USP10: variants seen among roughly 807,000 people sequenced by gnomAD.
The protein encoded by USP10 is ubiquitin carboxyl-terminal hydrolase 10.
In USP10, 22 loss-of-function variants were observed where a neutral mutation model predicts 84.5. That is an observed-to-expected ratio of 0.26 (90% CI 0.19 to 0.37). USP10 has a LOEUF of 0.37. Ranked by LOEUF, USP10 falls within the 10% of genes least tolerant of loss-of-function variation. USP10 has a pLI of 1.00. For synonymous variants in USP10, 454 were observed against 387.6 expected (o/e 1.17, Z -2.01); for missense variants, 1,019 against 998.9 (o/e 1.02, Z -0.27).
At position 84,740,208 on chromosome 16, in the gene USP10, T is replaced by A. The variant is rs879070106; in HGVS notation, c.91-101T>A. 1.1e-5 allele frequency: 11 copies of A among 1,033,718 alleles called. No homozygotes were observed. The South Asian group carries it at 1.5e-4, about 14-fold the overall frequency. The allele number at this position is 1,033,718 out of a possible 1,614,324, so 64.0% of individuals were successfully genotyped here. The stretch of plus-strand genomic sequence containing the variant: ...CTAGAAGTAACGGCATGCAAAGTTG[T>A]ATGGATTAAGAGTTTTAATGAATTG... On this transcript the variant is annotated intron_variant, in intron 2 of 13. Coordinates refer to ENST00000219473, the MANE Select transcript of USP10 (RefSeq NM_005153.3).
intron 4 of USP10, among the ~76,000 whole-genome samples, chr16:84,751,701 A>C (rs1204771459): frequency 1.3e-5 from 2 of 152,360 alleles, no homozygotes; most frequent in East Asian, 1.9e-4. Context: ...TGAGGAAAAG[A>C]AAAGCACTTG....
At chr16:84,712,699 C>T (rs1259199772) in intron 1 of USP10, among the ~76,000 whole-genome samples, 3 of 152,180 alleles carry the variant, frequency 2.0e-5, no homozygotes, top group Non-Finnish European at 4.4e-5. Flanking sequence ...CCTTGATTGT[C>T]ATTTCTGCAT....
chr16:84,753,134 TTTTTTTA>T (rs1437443493), intron 4 of USP10, among the ~76,000 whole-genome samples: 22 of 152,148 alleles, frequency 1.4e-4, no homozygotes, highest in East Asian at 3.9e-4. Context: ...GTACAGCTAA[TTTTTTTA>T]TTTTTTATTT....
Position 84,724,253 on chromosome 16 carries a change from TTC to T in USP10, c.22-9180_22-9179del, listed in dbSNP as rs371734969. On this transcript the variant is annotated intron_variant, in intron 1 of 13. Transcript: ENST00000219473. ...GACTGGAAAGTTGGTAAAAGTGGGT[TTC>T]TGTTAAGTGAATCATGTTTTCTAAT... 5.5e-3 allele frequency among the ~76,000 whole-genome samples: 835 copies of T among 152,300 alleles called. 6 individuals are homozygous for T. Among genetic ancestry groups the T allele is most frequent in the South Asian group, 0.03 (147 of 4,826 alleles).
intron 10 of USP10, among the ~76,000 whole-genome samples, chr16:84,764,939 A>AAAATATATATATATAT (rs370383030): frequency 1.5e-5 from 2 of 132,256 alleles, no homozygotes; most frequent in East Asian, 2.4e-4. Context: ...GAGAAAAAAA[A>AAAATATATATATATAT]ATATATATAT....
At position 84,745,272 on chromosome 16, in the gene USP10, T is replaced by C. The variant is rs1318163611; in HGVS notation, c.791T>C (p.Leu264Pro). ...CCTGCAGAGGCTGGCAGAGACACCC[T>C]GTCAAGGACAGCTGGGGCTCAGCCC... ...CFPAEAGRDT[L>P]SRTAGAQPCV... Residue 264 changes from leucine (L) to proline (P), a missense_variant, in exon 4 of 14, where the codon CTG becomes CCG. By Grantham distance (98) the Leu-to-Pro change is moderately conservative (BLOSUM62 -3). This residue lies in a region of USP10 where 787 missense variants were observed against 708.8 expected (regional missense o/e 1.11). Coordinates refer to ENST00000219473, the MANE Select transcript of USP10 (RefSeq NM_005153.3). 5.0e-6 allele frequency: 8 copies of C among 1,613,330 alleles called. No individual in the cohort carries two copies. Among genetic ancestry groups the C allele is most frequent in the Non-Finnish European group, 5.9e-6 (7 of 1,179,686 alleles).
At chr16:84,768,843 A>G (rs1229949515) in intron 11 of USP10, among the ~76,000 whole-genome samples, 1 of 152,050 alleles carries the variant, frequency 6.6e-6, no homozygotes, top group Non-Finnish European at 1.5e-5. Context: ...GATGCTTGTT[A>G]CTCTTTGATT....
intron 4 of USP10, among the ~76,000 whole-genome samples, chr16:84,746,272 A>C (rs1167462450): frequency 1.3e-5 from 2 of 152,264 alleles, no homozygotes; most frequent in Non-Finnish European, 2.9e-5. Flanking sequence ...CATAATTCAC[A>C]GATTGTTTTT....
intron 1 of USP10, chr16:84,732,910 A>G (rs1909427372): frequency 8.3e-6 from 3 of 359,710 alleles, no homozygotes; most frequent in Non-Finnish European, 1.6e-5. Flanking sequence ...TAATATGTGT[A>G]TCTGTGTATC....
chr16:84,763,985 C>T, intron 9 of USP10, 101 bp from the exon 10 acceptor site: 1 of 1,413,876 alleles, frequency 7.1e-7, no homozygotes, highest in Non-Finnish European at 9.4e-7. Flanking sequence ...TAGACCACAC[C>T]CTGATTTCAT....
intron 11 of USP10, among the ~76,000 whole-genome samples, chr16:84,768,651 A>G (rs1039126411): frequency 1.3e-5 from 2 of 152,208 alleles, no homozygotes; most frequent in African/African-American, 4.8e-5. Flanking sequence ...CAACATCAAT[A>G]CTACCTCTGA....
chr16:84,730,543 G>T (rs779490702), intron 1 of USP10, among the ~76,000 whole-genome samples: 5 of 152,146 alleles, frequency 3.3e-5, no homozygotes, highest in African/African-American at 7.2e-5. Context: ...TCAGTGAACC[G>T]TTTCTGAGCG....
chr16:84,708,502 G>T (rs1905846930), intron 1 of USP10, among the ~76,000 whole-genome samples: 1 of 152,290 alleles, frequency 6.6e-6, no homozygotes, highest in South Asian at 2.1e-4. Flanking sequence ...TCCATCCATT[G>T]CCTTTGCACT....
chr16:84,733,255 G>T (rs1186444336), intron 1 of USP10, 180 bp from the exon 2 acceptor site: 6 of 610,716 alleles, frequency 9.8e-6, no homozygotes, highest in Non-Finnish European at 1.8e-5. Flanking sequence ...AGGTTCAGTA[G>T]TATTTCTTTT....
intron 4 of USP10, among the ~76,000 whole-genome samples, chr16:84,756,635 G>C (rs1912577732): frequency 6.6e-6 from 1 of 152,032 alleles, no homozygotes; most frequent in Non-Finnish European, 1.5e-5. Context: ...CAGGCTTTGA[G>C]TCTTAAGGTT....
intron 10 of USP10, among the ~76,000 whole-genome samples, chr16:84,765,085 C>G (rs1362472009): frequency 6.7e-6 from 1 of 150,302 alleles, no homozygotes; most frequent in Non-Finnish European, 1.5e-5. Context: ...AAAAAAAAAA[C>G]CAGCTAACCA....
chr16:84,746,370 G>A (rs892991246), intron 4 of USP10, among the ~76,000 whole-genome samples: 1 of 152,194 alleles, frequency 6.6e-6, no homozygotes, highest in African/African-American at 2.4e-5. Context: ...AACTAAGATG[G>A]ATATGTGTTC....
intron 2 of USP10, among the ~76,000 whole-genome samples, chr16:84,735,347 G>A (rs1909797123): frequency 6.6e-6 from 1 of 152,024 alleles, no homozygotes; most frequent in Non-Finnish European, 1.5e-5. Flanking sequence ...CATGTGGATG[G>A]GTGGGTACCT....
chr16:84,778,821 G>T, intron 13 of USP10, 74 bp from the exon 14 acceptor site: 1 of 1,443,568 alleles, frequency 6.9e-7, no homozygotes, highest in Middle Eastern at 2.2e-4. Context: ...TCCCTGGAGG[G>T]AAGTCGGCGG....
Sources: allele counts gnomAD v4.1 joint callset (sites outside exome capture counted in the v4.1 genomes callset), GRCh38; gene constraint gnomAD v4.1.1; regional missense constraint gnomAD v4.1.1; transcripts MANE v1.5; gene names NCBI Gene and HGNC (gene_info 2026-07-23, HGNC 2026-07-21).